LIMCH1: variants seen among roughly 807,000 people sequenced by gnomAD.
LIMCH1 encodes the protein LIM and calponin homology domains-containing protein 1.
In LIMCH1, 113 loss-of-function variants were observed where a neutral mutation model predicts 176.5. That is an observed-to-expected ratio of 0.64 (90% confidence interval 0.55 to 0.75). The LOEUF is 0.75. LIMCH1 is among the 30% of genes least tolerant of loss of function. The pLI is 0.00. For synonymous variants in LIMCH1, 619 were observed against 645.9 expected (o/e 0.96, Z 0.63); for missense variants, 1,674 against 1,814.9 (o/e 0.92, Z 1.41).
At chr4:41,489,874 C>G (rs2070426620) in intron 1 of LIMCH1, among the ~76,000 whole-genome samples, 1 of 152,012 alleles carries the variant, frequency 6.6e-6, no homozygotes, top group South Asian at 2.1e-4. Context: ...TACTGTTGAT[C>G]AGAAGCCTTA....
At chr4:41,389,891 A>G (rs966503972) in intron 1 of LIMCH1, among the ~76,000 whole-genome samples, 5 of 152,018 alleles carry the variant, frequency 3.3e-5, no homozygotes, top group Admixed American at 6.6e-5. Flanking sequence ...TGCTTATTTC[A>G]CCTTCCCTTC....
intron 3 of LIMCH1, among the ~76,000 whole-genome samples, chr4:41,525,037 A>G (rs569305770): frequency 2.3e-4 from 35 of 152,204 alleles, no homozygotes; most frequent in Non-Finnish European, 2.5e-4. Flanking sequence ...TATCCACATA[A>G]AATCTAAAAC....
chr4:41,449,923 G>T (rs2063684587), intron 1 of LIMCH1, among the ~76,000 whole-genome samples: 2 of 152,152 alleles, frequency 1.3e-5, no homozygotes, highest in Admixed American at 1.3e-4. Context: ...CCTTCTTCAG[G>T]TTCACCTGAC....
At chr4:41,406,523 C>CCCCA (rs1438415884) in intron 1 of LIMCH1, among the ~76,000 whole-genome samples, 15 of 152,106 alleles carry the variant, frequency 9.9e-5, no homozygotes, top group Admixed American at 9.8e-4. Flanking sequence ...CTCCCTCCCT[C>CCCCA]TCCAGGGAGG....
chr4:41,405,346 T>C (rs2058854013), intron 1 of LIMCH1, among the ~76,000 whole-genome samples: 1 of 152,180 alleles, frequency 6.6e-6, no homozygotes, highest in Non-Finnish European at 1.5e-5. Context: ...CTCTAGTATG[T>C]GTTGTTCAGG....
chr4:41,384,732 G>A (rs77672280), intron 1 of LIMCH1, among the ~76,000 whole-genome samples: 4,190 of 152,184 alleles, frequency 0.028, 92 homozygotes, highest in Middle Eastern at 0.061. Flanking sequence ...TGCTAAGTGC[G>A]GTTGTAGATA....
At chr4:41,513,541 T>C (rs1479534182) in intron 2 of LIMCH1, among the ~76,000 whole-genome samples, 1 of 152,202 alleles carries the variant, frequency 6.6e-6, no homozygotes, top group Non-Finnish European at 1.5e-5. Flanking sequence ...AACTCTTCTT[T>C]AGAGAGGAAC....
rs867830973 is a variant in LIMCH1 at position 41,646,682 on chromosome 4, C to G, written c.2609C>G (p.Pro870Arg). The part of the protein sequence containing the change: ...NLSSFLNDPN[P>R]MKYLRQQSLP... ...TCCTCCTTCCTGAATGACCCCAATC[C>G]CATGAAATACCTGCGGCAACAGTCA... is the stretch of plus-strand genomic sequence containing the variant. The change falls in exon 17 of 32, where the codon CCC (proline) becomes CGC (arginine). Residue 870 changes from proline to arginine, a missense_variant. Pro to Arg is a moderately radical substitution (Grantham distance 103, BLOSUM62 -2). Coordinates refer to ENST00000503057, the MANE Select transcript of LIMCH1 (RefSeq NM_001330672.2). 1.2e-6 allele frequency: 2 copies of G among 1,614,208 alleles called. No individual in the cohort carries two copies. Among genetic ancestry groups the G allele is most frequent in the South Asian group, 1.1e-5 (1 of 91,084 alleles).
chr4:41,413,057 C>G (rs2059625404), intron 1 of LIMCH1, among the ~76,000 whole-genome samples: 1 of 152,080 alleles, frequency 6.6e-6, no homozygotes, highest in Admixed American at 6.6e-5. Flanking sequence ...ATGACAATAT[C>G]TGGAACTTGA....
At chr4:41,377,629 A>C (rs958599301) in intron 1 of LIMCH1, among the ~76,000 whole-genome samples, 2 of 152,182 alleles carry the variant, frequency 1.3e-5, no homozygotes, top group Non-Finnish European at 2.9e-5. Context: ...ACTAAATACC[A>C]CAGGCTGGGT....
chr4:41,471,670 A>C (rs1025537526), intron 1 of LIMCH1, among the ~76,000 whole-genome samples: 1 of 152,220 alleles, frequency 6.6e-6, no homozygotes, highest in African/African-American at 2.4e-5. Flanking sequence ...TCCATGTCTC[A>C]GAGCTGCTTA....
intron 2 of LIMCH1, among the ~76,000 whole-genome samples, chr4:41,521,091 T>A (rs901847141): frequency 2.0e-5 from 3 of 152,218 alleles, no homozygotes; most frequent in African/African-American, 7.2e-5. Flanking sequence ...TATTCCCACC[T>A]GGTGTTGATA....
At chr4:41,650,717 G>A (rs771069562) in intron 18 of LIMCH1, 109 bp downstream of exon 18, 18 of 940,696 alleles carry the variant, frequency 1.9e-5, no homozygotes, top group South Asian at 6.9e-5. Context: ...CTATGTTGGC[G>A]TATTAGTTTG....
At chr4:41,544,764 C>T (rs59613689) in intron 1 of LIMCH1, among the ~76,000 whole-genome samples, 6 of 152,272 alleles carry the variant, frequency 3.9e-5, no homozygotes, top group African/African-American at 1.2e-4. Context: ...ACTGGATCAG[C>T]CTTACTGCCA....
chr4:41,492,164 G>C (rs927315612), intron 1 of LIMCH1, among the ~76,000 whole-genome samples: 37 of 152,208 alleles, frequency 2.4e-4, no homozygotes, highest in Admixed American at 2.0e-4. Context: ...ACCTCAGGAG[G>C]CCGAGGCGGG....
chr4:41,661,929 C>T, intron 19 of LIMCH1: 1 of 412,832 alleles, frequency 2.4e-6, no homozygotes, highest in Non-Finnish European at 4.7e-6. Flanking sequence ...AAAATAGTGC[C>T]ATGAATCTGG....
At chr4:41,540,910 C>T (rs534892910) in intron 1 of LIMCH1, among the ~76,000 whole-genome samples, 13 of 152,212 alleles carry the variant, frequency 8.5e-5, no homozygotes, top group South Asian at 2.1e-4. Flanking sequence ...AATGGCTCAG[C>T]GAACACAGCT....
At chr4:41,473,083 A>G (rs2067226444) in intron 1 of LIMCH1, 2 of 985,086 alleles carry the variant, frequency 2.0e-6, no homozygotes, top group African/African-American at 3.5e-5. Context: ...AAGAACAGAT[A>G]TTGCCTCTGC....
rs1412996471 is a variant in LIMCH1 at position 41,521,694 on chromosome 4, A to G, written c.168-2715A>G. ...TGGAGCAGTGTTTACCTGAAAAAAA[A>G]TACAGCTGTCTTAGTCTTGAAAGTG... is the stretch of plus-strand genomic sequence containing the variant. On this transcript the variant is annotated intron_variant, in intron 2 of 26. Transcript: ENST00000313860. Among the ~76,000 whole-genome samples the G allele has an allele frequency of 6.6e-5, 10 of 152,302 alleles. No individual in the cohort carries two copies. The East Asian group carries it at 1.3e-3, about 21-fold the overall frequency.
Sources: gnomAD v4.1 joint callset for allele counts (sites outside exome capture counted in the v4.1 genomes callset) on GRCh38, gnomAD v4.1.1 for gene constraint, MANE v1.5 for transcripts, NCBI Gene and HGNC (gene_info 2026-07-23, HGNC 2026-07-21) for gene names.